The following ACP7 variants were observed in gnomAD, a reference collection of about 807,000 sequenced individuals.
The protein encoded by ACP7 is acid phosphatase 7, tartrate resistant (putative).
In ACP7, 58 loss-of-function variants were observed where a neutral mutation model predicts 60.6. The observed-to-expected ratio is 0.96, with a 90% confidence interval of 0.77 to 1.19. The LOEUF (loss-of-function observed/expected upper bound fraction) is 1.19. Ranked by LOEUF, ACP7 falls within the 50% of genes most tolerant of loss-of-function variation. The probability of loss-of-function intolerance (pLI) is 0.00; values close to 1 mark genes in which losing one functional copy is unlikely to be tolerated. For synonymous variants in ACP7, 237 were observed against 232.6 expected, an observed-to-expected ratio of 1.02 and a Z score of -0.17; for missense variants, 574 against 596.2, an observed-to-expected ratio of 0.96 and a Z score of 0.39.
intron 11 of ACP7, among the ~76,000 whole-genome samples, chr19:39,102,715 TTTTCTTTCTTTCTTTC>T (rs199915190): frequency 3.7e-4 from 44 of 118,708 alleles, no homozygotes; most frequent in Admixed American, 9.4e-4. Flanking sequence ...CAATGAAGAC[TTTTCTTTCTTTCTTTC>T]TTTCTTTCTT....
intron 2 of ACP7, among the ~76,000 whole-genome samples, chr19:39,090,574 C>G (rs549665406): frequency 1.1e-4 from 17 of 152,076 alleles, no homozygotes; most frequent in Non-Finnish European, 1.9e-4. Flanking sequence ...CCCCTACCTC[C>G]CGGGCTCAAG....
intron 2 of ACP7, among the ~76,000 whole-genome samples, chr19:39,089,515 A>G (rs1388827818): frequency 6.6e-6 from 1 of 152,212 alleles, no homozygotes; most frequent in Non-Finnish European, 1.5e-5. Flanking sequence ...TGAGAAATCA[A>G]GATTGGTACA....
chr19:39,102,781 T>TCTC (rs2073368842), intron 11 of ACP7, among the ~76,000 whole-genome samples: 5 of 118,174 alleles, frequency 4.2e-5, no homozygotes, highest in African/African-American at 1.3e-4. Context: ...CTCTCTCTCT[T>TCTC]TCTCTCTCTC....
intron 4 of ACP7, among the ~76,000 whole-genome samples, 192 bp downstream of exon 4, chr19:39,099,334 C>A (rs984362698): frequency 4.6e-5 from 7 of 152,174 alleles, no homozygotes; most frequent in Non-Finnish European, 1.0e-4. Flanking sequence ...GGCCAACCAG[C>A]CTGCCTAGGT....
intron 2 of ACP7, among the ~76,000 whole-genome samples, chr19:39,086,366 A>G (rs570352890): frequency 2.6e-5 from 4 of 152,148 alleles, no homozygotes; most frequent in Admixed American, 2.6e-4. Context: ...ACAGTGGTGC[A>G]TGCCTGTAAT....
chr19:39,105,759 G>C (rs561558159), intron 11 of ACP7, among the ~76,000 whole-genome samples: 1 of 152,122 alleles, frequency 6.6e-6, no homozygotes, highest in Non-Finnish European at 1.5e-5. Context: ...CAATCTGCCC[G>C]CCTCGGCCTC....
At chr19:39,087,919 C>T (rs2073163539) in intron 2 of ACP7, among the ~76,000 whole-genome samples, 1 of 152,118 alleles carries the variant, frequency 6.6e-6, no homozygotes, top group African/African-American at 2.4e-5. Flanking sequence ...CAGGCGTGAG[C>T]CACCGTGCCT....
intron 11 of ACP7, among the ~76,000 whole-genome samples, chr19:39,102,120 T>TCACACACACACACA (rs561424510): frequency 4.8e-5 from 7 of 145,852 alleles, no homozygotes; most frequent in African/African-American, 1.8e-4. Flanking sequence ...ACCCTTTCTC[T>TCACACACACACACA]CACACACACA....
intron 1 of ACP7, 59 bp from the exon 2 acceptor site, chr19:39,085,033 G>A (rs1256083018): frequency 1.0e-5 from 5 of 484,234 alleles, no homozygotes; most frequent in African/African-American, 4.0e-5. Context: ...CTGTGAGTGA[G>A]GCTCAGAGAG....
chr19:39,097,805 A>G (rs1483705172), intron 2 of ACP7, among the ~76,000 whole-genome samples: 1 of 152,100 alleles, frequency 6.6e-6, no homozygotes, highest in African/African-American at 2.4e-5. Flanking sequence ...TCCCGCATAT[A>G]ACCCTAAGTG....
intron 2 of ACP7, 132 bp downstream of exon 2, chr19:39,085,522 A>C: frequency 8.1e-7 from 1 of 1,234,276 alleles, no homozygotes; most frequent in Non-Finnish European, 1.1e-6. Context: ...TCCATCATCC[A>C]CCTCTGTGGA....
rs2073126005 is a variant in ACP7 at position 39,085,141 on chromosome 19, T to C, written c.-129T>C. ...AGGAGACCTCCCTGCCCTGCCTCTG[T>C]TGTCCCCCAGAGCACTGCCTGATCA... On this transcript the variant is annotated 5_prime_UTR_variant, in exon 2 of 13. Transcript: ENST00000331256. 8.1e-6 allele frequency: 10 copies of C among 1,234,364 alleles called. No homozygotes were observed. The South Asian group carries it at 9.9e-5, about 12-fold the overall frequency. 76.5% of individuals were successfully genotyped at this position (1,234,364 alleles called of 1,614,324 possible). A position where few individuals can be genotyped will look rare whatever the true frequency, so the allele number is the denominator to read the frequency against.
chr19:39,098,537 G>A lies in ACP7; in HGVS notation c.201G>A (p.Ser67=), dbSNP rs11881432. 5,615 of 1,611,612 alleles carry A rather than the reference G, an allele frequency of 3.5e-3. 168 individuals carry two copies. The African/African-American group carries it at 0.066, about 19-fold the overall frequency. ...RSEVQFGLQP[S]GPLPLRAQGT... ...AAGTGCAATTCGGGTTGCAGCCGTC[G>A]GGGCCCCTGCCCCTCCGCGCCCAGG... The change falls in exon 3 of 13, where the codon TCG becomes TCA. Residue 67 remains serine (S), a synonymous_variant. Coordinates refer to ENST00000331256, the MANE Select transcript of ACP7 (RefSeq NM_001004318.3).
At position 39,105,893 on chromosome 19, in the gene ACP7, C is replaced by T. The variant is rs74529690; in HGVS notation, c.1114-1054C>T. Among the ~76,000 whole-genome samples, 1,096 of 152,262 alleles carry T rather than the reference C, an allele frequency of 7.2e-3. 8 individuals carry two copies. Among genetic ancestry groups the T allele is most frequent in the African/African-American group, 0.021 (853 of 41,544 alleles). On this transcript the variant is annotated intron_variant, in intron 11 of 12. Coordinates refer to ENST00000331256, the MANE Select transcript of ACP7 (RefSeq NM_001004318.3). The stretch of plus-strand genomic sequence containing the variant: ...CGGATGGGTCTCATTACTGATGATG[C>T]TTACTTTGATCACTTGGTTAGGGAG...
intron 12 of ACP7, among the ~76,000 whole-genome samples, chr19:39,107,440 C>T (rs2073422999): frequency 2.6e-5 from 4 of 151,634 alleles, no homozygotes; most frequent in Admixed American, 2.0e-4. Flanking sequence ...AAAAATTAGC[C>T]AGGCGTGGTG....
intron 2 of ACP7, among the ~76,000 whole-genome samples, chr19:39,091,833 C>T (rs1249394139): frequency 6.6e-6 from 1 of 151,842 alleles, no homozygotes; most frequent in Non-Finnish European, 1.5e-5. Context: ...ATCACTTGAA[C>T]CTGGGAGGCG....
chr19:39,101,942 C>CAA (rs35540772), intron 11 of ACP7, among the ~76,000 whole-genome samples: 7,950 of 122,834 alleles, frequency 0.065, 496 homozygotes, highest in African/African-American at 0.16. Context: ...CTTGTCTATA[C>CAA]AAAAAAAAAA....
intron 2 of ACP7, among the ~76,000 whole-genome samples, chr19:39,089,917 C>G (rs976648369): frequency 9.2e-5 from 14 of 152,256 alleles, no homozygotes; most frequent in Middle Eastern, 3.4e-3. Context: ...TAAGGAGGTG[C>G]CTGCTGGGTT....
chr19:39,088,824 C>T (rs2073172957), intron 2 of ACP7, among the ~76,000 whole-genome samples: 1 of 152,156 alleles, frequency 6.6e-6, no homozygotes, highest in Non-Finnish European at 1.5e-5. Flanking sequence ...TGGTTCACTG[C>T]AACCTCTGCC....
Sources: gnomAD v4.1 joint callset for allele counts (sites outside exome capture counted in the v4.1 genomes callset) on GRCh38, gnomAD v4.1.1 for gene constraint, MANE v1.5 for transcripts, NCBI Gene and HGNC (gene_info 2026-07-23, HGNC 2026-07-21) for gene names.